Variants in DLC1 observed in about 807,000 individuals in gnomAD.
The protein encoded by DLC1 is DLC1 Rho GTPase activating protein.
A neutral mutation model predicts 140.3 loss-of-function variants in DLC1; 54 were observed. The observed-to-expected ratio is 0.38, with a 90% confidence interval of 0.31 to 0.48. The LOEUF (loss-of-function observed/expected upper bound fraction) is 0.48. DLC1 is among the 20% of genes least tolerant of loss of function. DLC1 has a pLI of 0.96. For missense variants in DLC1, 2,536 were observed against 1,907.0 expected (o/e 1.33, Z -6.14); for synonymous variants, 986 against 728.1 (o/e 1.35, Z -5.70).
intron 2 of DLC1, among the ~76,000 whole-genome samples, chr8:13,492,715 C>G (rs997655065): frequency 1.3e-5 from 2 of 152,144 alleles, no homozygotes; most frequent in African/African-American, 2.4e-5. Context: ...ATTGAAAATG[C>G]TCAATATTTA....
chr8:13,085,425 T>G lies in DLC1; in HGVS notation c.*386A>C, dbSNP rs1039595199. 6.3e-6 allele frequency: 1 copy of G among 159,884 alleles called. No homozygotes were observed. The highest frequency in any genetic ancestry group is 1.4e-5 in the Non-Finnish European group (1 of 72,508). 9.9% of individuals were successfully genotyped at this position (159,884 alleles called of 1,614,324 possible). A position where few individuals can be genotyped will look rare whatever the true frequency, so the allele number is the denominator to read the frequency against. ...CATCCAAGAGTACCAACTATTCCAG[T>G]GGATACACCAGTCCCTCAACACACT... On this transcript the variant is annotated 3_prime_UTR_variant, in exon 18 of 18. Transcript: ENST00000276297.
At chr8:13,468,555 T>G (rs1238999849) in intron 2 of DLC1, among the ~76,000 whole-genome samples, 2 of 151,792 alleles carry the variant, frequency 1.3e-5, no homozygotes, top group Non-Finnish European at 2.9e-5. Flanking sequence ...ACAAATTTTT[T>G]GCAGAGATGG....
chr8:13,284,725 T>C (rs1831482830), intron 5 of DLC1, among the ~76,000 whole-genome samples: 1 of 152,128 alleles, frequency 6.6e-6, no homozygotes, highest in Non-Finnish European at 1.5e-5. Context: ...CAAAATCAAT[T>C]GTATTTTCAC....
rs1237501850 is a variant in DLC1 at position 13,188,801 on chromosome 8, G to GTATATATATATATA, written c.1349-73158_1349-73145dup. Among the ~76,000 whole-genome samples the GTATATATATATATA allele has an allele frequency of 1.5e-3, 110 of 71,874 alleles. 2 individuals carry two copies. The highest frequency in any genetic ancestry group is 7.4e-3 in the Middle Eastern group (1 of 136). The allele number at this position is 71,874 out of a possible 152,430, so 47.2% of individuals were successfully genotyped here. A position where few individuals can be genotyped will look rare whatever the true frequency, so the allele number is the denominator to read the frequency against. ...AATGTGTGTGTGTGTGTGTGTGTGT[G>GTATATATATATATA]TATATATATATATATATATATATAT... is the stretch of plus-strand genomic sequence containing the variant. On this transcript the variant is annotated intron_variant, in intron 5 of 17. Coordinates refer to ENST00000276297, the MANE Select transcript of DLC1 (RefSeq NM_182643.3).
intron 5 of DLC1, among the ~76,000 whole-genome samples, chr8:13,195,557 G>T (rs558419107): frequency 6.2e-4 from 95 of 152,202 alleles, no homozygotes; most frequent in Non-Finnish European, 1.2e-3. Context: ...AGAAAATTTT[G>T]TAGGTTCTTT....
At chr8:13,156,373 T>C (rs1373032988) in intron 5 of DLC1, among the ~76,000 whole-genome samples, 3 of 152,168 alleles carry the variant, frequency 2.0e-5, no homozygotes, top group Non-Finnish European at 2.9e-5. Flanking sequence ...GCTAAATAAT[T>C]ACAAGGTTAC....
At chr8:13,350,699 G>C (rs933464782) in intron 4 of DLC1, among the ~76,000 whole-genome samples, 38 of 151,746 alleles carry the variant, frequency 2.5e-4, no homozygotes, top group African/African-American at 9.0e-4. Context: ...CTGGGCCATG[G>C]AGCAAGACTC....
chr8:13,174,073 C>T (rs867522549), intron 5 of DLC1, among the ~76,000 whole-genome samples: 3 of 152,044 alleles, frequency 2.0e-5, no homozygotes, highest in South Asian at 4.2e-4. Flanking sequence ...TCCACATGTA[C>T]CCAATGTTTA....
chr8:13,115,293 T>C (rs776837190), intron 6 of DLC1, among the ~76,000 whole-genome samples: 12 of 152,110 alleles, frequency 7.9e-5, no homozygotes, highest in Non-Finnish European at 1.3e-4. Context: ...AAATGTACTT[T>C]TCAGGAAATG....
At chr8:13,108,120 G>A (rs1051167271) in intron 7 of DLC1, among the ~76,000 whole-genome samples, 4 of 152,090 alleles carry the variant, frequency 2.6e-5, no homozygotes, top group African/African-American at 9.7e-5. Flanking sequence ...CTGAACATTT[G>A]TTTAGGCCTC....
rs775817123 is a variant in DLC1, at chr8:13,092,742, G to C, written c.3610C>G (p.Leu1204Val). The C allele has an allele frequency of 1.9e-6, 3 of 1,614,128 alleles. No homozygotes were observed. The Admixed American group carries it at 5.0e-5, about 27-fold the overall frequency. ...PDENREVLQTLLYFLSDVTAA... is the reference protein window; with the variant it reads ...PDENREVLQTVLYFLSDVTAA... ...GTGACATCGCTCAGGAAATAAAGCAGGGTCTGCAGAACCTCCCGGTTCTCG... is the reference window on the plus strand; with the variant it reads ...GTGACATCGCTCAGGAAATAAAGCACGGTCTGCAGAACCTCCCGGTTCTCG... The change falls in exon 13 of 18, where the codon CTG (leucine) becomes GTG (valine). Residue 1204 changes from leucine to valine, a missense_variant. Physicochemically the swap from Leu to Val is conservative, Grantham distance 32 (BLOSUM62 1). Coordinates refer to ENST00000276297, the MANE Select transcript of DLC1 (RefSeq NM_182643.3).
chr8:13,441,085 C>T (rs569335264), intron 2 of DLC1, among the ~76,000 whole-genome samples: 50 of 152,248 alleles, frequency 3.3e-4, no homozygotes, highest in African/African-American at 1.1e-3. Flanking sequence ...ACTACCACTA[C>T]GAAGAATTTC....
intron 4 of DLC1, among the ~76,000 whole-genome samples, chr8:13,369,686 G>T (rs1258727430): frequency 1.3e-5 from 2 of 151,992 alleles, no homozygotes; most frequent in African/African-American, 4.8e-5. Flanking sequence ...TACCAGCACT[G>T]CTGCTAGCTA....
intron 2 of DLC1, among the ~76,000 whole-genome samples, chr8:13,463,675 T>G (rs930362359): frequency 7.2e-5 from 11 of 152,202 alleles, no homozygotes; most frequent in African/African-American, 2.7e-4. Context: ...GAAAGGACGT[T>G]GTTCTAATAG....
In DLC1 at chr8:13,100,081, C is replaced by A; in HGVS notation, c.2256G>T (p.Ala752=). The change falls in exon 9 of 18, where the codon GCG becomes GCT. Residue 752 remains alanine (A), a synonymous_variant. Transcript: ENST00000276297. ...TCGTAACAGGGCTGGGCGTGCTGAC[C>A]GCGCTGCTGGTCTCCGACTGGCTGC... ...SSSSQSETSS[A]VSTPSPVTRT... 1 of 1,613,616 alleles carries A rather than the reference C, an allele frequency of 6.2e-7. No homozygotes were observed. The highest frequency in any genetic ancestry group is 1.3e-5 in the African/African-American group (1 of 75,062).
intron 2 of DLC1, among the ~76,000 whole-genome samples, chr8:13,427,672 G>A (rs1001698715): frequency 6.6e-6 from 1 of 152,056 alleles, no homozygotes; most frequent in Admixed American, 6.5e-5. Context: ...GAATTACTCA[G>A]TCTTTTGTAC....
At chr8:13,221,892 TTA>T (rs1491146195) in intron 5 of DLC1, among the ~76,000 whole-genome samples, 10 of 143,482 alleles carry the variant, frequency 7.0e-5, no homozygotes, top group Non-Finnish European at 1.4e-4. Context: ...TAATATATAA[TTA>T]TATATTAAAA....
At chr8:13,543,911 A>G (rs1466275085) in intron 1 of DLC1, among the ~76,000 whole-genome samples, 1 of 152,066 alleles carries the variant, frequency 6.6e-6, no homozygotes, top group Non-Finnish European at 1.5e-5. Flanking sequence ...TACTCTGGTG[A>G]CTGGTGTAGC....
In DLC1 at chr8:13,084,906, GAGTA is replaced by G. The variant is rs1817428776; in HGVS notation, c.*901_*904del. 6.6e-6 allele frequency: 1 copy of G among 152,176 alleles called. No homozygotes were observed. The highest frequency in any genetic ancestry group is 6.6e-5 in the Admixed American group (1 of 15,262). The allele number at this position is 152,176 out of a possible 1,614,324, so 9.4% of individuals were successfully genotyped here. ...GAAAAAGTGTTGATGCTTGATTTAA[GAGTA>G]AGTGTTATCGTGTTCAGTTTTTATA... On this transcript the variant is annotated 3_prime_UTR_variant, in exon 18 of 18. Transcript: ENST00000276297.
Sources: allele counts gnomAD v4.1 joint callset (sites outside exome capture counted in the v4.1 genomes callset), GRCh38; gene constraint gnomAD v4.1.1; transcripts MANE v1.5; gene names NCBI Gene and HGNC (gene_info 2026-07-23, HGNC 2026-07-21).